NTM: variants seen among roughly 807,000 people sequenced by gnomAD.
NTM encodes IgLON family member 2.
In NTM, 13 loss-of-function variants were observed where a neutral mutation model predicts 42.1. That is an observed-to-expected ratio of 0.31 (90% CI 0.20 to 0.49). The LOEUF (loss-of-function observed/expected upper bound fraction) is 0.49. Ranked by LOEUF, NTM falls within the 20% of genes least tolerant of loss-of-function variation. The pLI is 0.99. For synonymous variants in NTM, 187 were observed against 179.2 expected, an observed-to-expected ratio of 1.04 and a Z score of -0.35; for missense variants, 373 against 452.8, an observed-to-expected ratio of 0.82 and a Z score of 1.60.
chr11:131,670,936 G>A (rs2070091925), intron 1 of NTM, among the ~76,000 whole-genome samples: 1 of 152,146 alleles, frequency 6.6e-6, no homozygotes, highest in African/African-American at 2.4e-5. Flanking sequence ...GAGGCTCCCA[G>A]GGAATGTGGC....
chr11:131,489,580 C>G (rs1954547746), intron 1 of NTM, among the ~76,000 whole-genome samples: 1 of 152,186 alleles, frequency 6.6e-6, no homozygotes, highest in Admixed American at 6.5e-5. Flanking sequence ...AAGAAGGTAT[C>G]CTTCAGCCAC....
chr11:132,308,659 TAGG>T (rs1182066336), intron 5 of NTM, among the ~76,000 whole-genome samples: 1 of 151,654 alleles, frequency 6.6e-6, no homozygotes, highest in Non-Finnish European at 1.5e-5. Flanking sequence ...GGCGTGGAGT[TAGG>T]AGAAGGATAC....
At chr11:131,424,595 C>CTTTTGTTTTTTTTTTTTTTT (rs1446801058) in intron 1 of NTM, among the ~76,000 whole-genome samples, 1 of 39,616 alleles carries the variant, frequency 2.5e-5, no homozygotes, top group Non-Finnish European at 5.0e-5. Context: ...TATTTCTTTT[C>CTTTTGTTTTTTTTTTTTTTT]TTTTCTTTTT....
chr11:131,589,582 C>G (rs1285928131), intron 1 of NTM, among the ~76,000 whole-genome samples: 9 of 152,160 alleles, frequency 5.9e-5, no homozygotes, highest in Admixed American at 5.9e-4. Context: ...CTTATTTAAC[C>G]CCAAATCATT....
At chr11:131,644,129 A>C (rs1266531900) in intron 1 of NTM, among the ~76,000 whole-genome samples, 1 of 152,106 alleles carries the variant, frequency 6.6e-6, no homozygotes, top group Non-Finnish European at 1.5e-5. Context: ...CGACCTCCCC[A>C]AGAGATTCCT....
At chr11:132,247,123 C>T (rs1335241421) in intron 4 of NTM, among the ~76,000 whole-genome samples, 1 of 152,216 alleles carries the variant, frequency 6.6e-6, no homozygotes, top group Non-Finnish European at 1.5e-5. Flanking sequence ...GGCCCCTCCT[C>T]CTGGGCTCCC....
chr11:131,616,023 A>G (rs1483648244), intron 1 of NTM, among the ~76,000 whole-genome samples: 4 of 152,206 alleles, frequency 2.6e-5, no homozygotes, highest in Non-Finnish European at 4.4e-5. Flanking sequence ...GCTGCTTCAC[A>G]TCCTTGCGTG....
chr11:132,180,060 C>T (rs61905991), intron 3 of NTM, among the ~76,000 whole-genome samples: 5,251 of 152,142 alleles, frequency 0.035, 142 homozygotes, highest in African/African-American at 0.069. Context: ...TCTTTAAAGG[C>T]CTATGGGAAC....
At chr11:132,034,536 A>G (rs1009000970) in intron 2 of NTM, among the ~76,000 whole-genome samples, 9 of 152,208 alleles carry the variant, frequency 5.9e-5, no homozygotes, top group Admixed American at 3.9e-4. Context: ...ATGGGTTTAC[A>G]TTCAATCCAG....
intron 1 of NTM, among the ~76,000 whole-genome samples, chr11:131,562,073 C>T (rs1430971589): frequency 6.6e-6 from 1 of 151,952 alleles, no homozygotes; most frequent in Non-Finnish European, 1.5e-5. Context: ...TACTGCAATT[C>T]AAAGTGTTTT....
chr11:132,182,852 G>A lies in NTM; in HGVS notation c.401-29170G>A, dbSNP rs114125675. The stretch of plus-strand genomic sequence containing the variant: ...ATTCTACCACTGACCTTATAGTACA[G>A]GAACACAGACCACCTCATTTTCCAA... On this transcript the variant is annotated intron_variant, in intron 3 of 8. Transcript: ENST00000683400. 4.4e-3 allele frequency among the ~76,000 whole-genome samples: 668 copies of A among 152,234 alleles called. 1 individual carries two copies. Among genetic ancestry groups the A allele is most frequent in the African/African-American group, 0.013 (542 of 41,538 alleles).
At chr11:132,224,576 C>G in intron 4 of NTM, among the ~76,000 whole-genome samples, 1 of 152,212 alleles carries the variant, frequency 6.6e-6, no homozygotes, top group Non-Finnish European at 1.5e-5. Context: ...TCAGCTTCAA[C>G]CTGTGTCTGT....
intron 4 of NTM, among the ~76,000 whole-genome samples, chr11:132,299,635 G>A (rs112868820): frequency 3.3e-5 from 5 of 152,290 alleles, no homozygotes; most frequent in African/African-American, 9.6e-5. Flanking sequence ...ATTTAAGAAT[G>A]CTTTCTCTTA....
intron 1 of NTM, among the ~76,000 whole-genome samples, chr11:131,816,302 C>T (rs1346564370): frequency 6.6e-6 from 1 of 152,114 alleles, no homozygotes; most frequent in African/African-American, 2.4e-5. Context: ...TGTGGCATAG[C>T]CTGGGAGTAC....
chr11:131,696,240 A>C (rs545744728), intron 1 of NTM, among the ~76,000 whole-genome samples: 1 of 152,276 alleles, frequency 6.6e-6, no homozygotes, highest in African/African-American at 2.4e-5. Context: ...TGGAAGGATG[A>C]CACAGCACAG....
intron 1 of NTM, among the ~76,000 whole-genome samples, chr11:131,443,209 T>C (rs1949766696): frequency 6.6e-6 from 1 of 152,294 alleles, no homozygotes; most frequent in South Asian, 2.1e-4. Context: ...AACTCAACTT[T>C]ATAAGTGGTA....
At chr11:132,273,114 G>A (rs3099778) in intron 4 of NTM, among the ~76,000 whole-genome samples, 3,576 of 151,932 alleles carry the variant, frequency 0.024, 62 homozygotes, top group Non-Finnish European at 0.039. Flanking sequence ...TTATCATGAA[G>A]GAGTGTTGGA....
chr11:131,571,444 C>T (rs1565652037), intron 1 of NTM, among the ~76,000 whole-genome samples: 1 of 152,186 alleles, frequency 6.6e-6, no homozygotes, highest in Non-Finnish European at 1.5e-5. Flanking sequence ...AAGCATCTTG[C>T]CCAAGGTCAT....
At chr11:132,008,190 A>C (rs2071248204) in intron 2 of NTM, among the ~76,000 whole-genome samples, 2 of 152,150 alleles carry the variant, frequency 1.3e-5, no homozygotes, top group Non-Finnish European at 2.9e-5. Context: ...GTTGTCTAAG[A>C]CAGATGAGAG....
Sources: allele counts gnomAD v4.1 joint callset (sites outside exome capture counted in the v4.1 genomes callset), GRCh38; gene constraint gnomAD v4.1.1; transcripts MANE v1.5; gene names NCBI Gene and HGNC (gene_info 2026-07-23, HGNC 2026-07-21).